FKBP9: variants seen among roughly 807,000 people sequenced by gnomAD.
The protein encoded by FKBP9 is peptidyl-prolyl cis-trans isomerase FKBP9.
FKBP9 carries 27 observed loss-of-function variants against 55.6 expected under a neutral mutation model. The ratio of observed to expected loss-of-function variants is 0.49; its 90% CI spans 0.36 to 0.67. FKBP9 has a LOEUF of 0.67. Among genes scored for constraint, FKBP9 ranks in the 30% least tolerant of loss-of-function variants. The probability of loss-of-function intolerance (pLI) is 0.00; values close to 1 mark genes in which losing one functional copy is unlikely to be tolerated. For missense variants in FKBP9, 539 were observed against 742.8 expected, an observed-to-expected ratio of 0.73 and a Z score of 3.19; for synonymous variants, 267 against 296.5, an observed-to-expected ratio of 0.90 and a Z score of 1.02.
intron 6 of FKBP9, among the ~76,000 whole-genome samples, chr7:32,992,485 G>C (rs1203774866): frequency 1.3e-5 from 2 of 152,252 alleles, no homozygotes; most frequent in African/African-American, 4.8e-5. Context: ...GCATCCTCAT[G>C]GTGAGAACAG....
At chr7:32,966,157 C>T (rs542980961) in intron 1 of FKBP9, among the ~76,000 whole-genome samples, 1 of 125,768 alleles carries the variant, frequency 8.0e-6, no homozygotes, top group Admixed American at 8.5e-5. Context: ...CGTGCCACTG[C>T]ACTCCAGCCT....
chr7:32,974,863 T>G (rs1238734480), intron 2 of FKBP9, 101 bp downstream of exon 2: 36 of 1,163,520 alleles, frequency 3.1e-5, no homozygotes, highest in Non-Finnish European at 4.4e-5. Context: ...AAGCTTTAGA[T>G]TGGGGGAAAA....
At position 33,000,231 on chromosome 7, in the gene FKBP9, C is replaced by G. The variant is rs1359320430; in HGVS notation, c.1343C>G (p.Pro448Arg). The G allele has an allele frequency of 6.2e-6, 10 of 1,612,708 alleles. No individual in the cohort carries two copies. The highest frequency in any genetic ancestry group is 7.6e-6 in the Non-Finnish European group (9 of 1,179,164). The change falls in exon 8 of 10, where the codon CCT (proline) becomes CGT (arginine). Residue 448 changes from proline to arginine, a missense_variant. By Grantham distance (103) the Pro-to-Arg change is moderately radical. Coordinates refer to ENST00000242209, the MANE Select transcript of FKBP9 (RefSeq NM_007270.5). The part of the protein sequence containing the change: ...VGEKRTVIIP[P>R]HLGYGEAGVD... ...GAGAAACGGACAGTGATCATTCCGC[C>G]TCACCTGGGCTATGGGGAAGCTGGC...
intron 4 of FKBP9, among the ~76,000 whole-genome samples, chr7:32,978,577 G>T (rs145974992): frequency 0.045 from 6,838 of 151,794 alleles, 364 homozygotes; most frequent in East Asian, 0.19. Flanking sequence ...AGGCTTACCT[G>T]GAAATCCTGG....
chr7:32,969,578 T>C (rs906885446), intron 1 of FKBP9, among the ~76,000 whole-genome samples: 4 of 152,156 alleles, frequency 2.6e-5, no homozygotes, highest in African/African-American at 7.2e-5. Flanking sequence ...TATTGGTCTA[T>C]GTGTCTGTAT....
intron 1 of FKBP9, among the ~76,000 whole-genome samples, chr7:32,961,586 C>G (rs1784025678): frequency 6.6e-6 from 1 of 152,142 alleles, no homozygotes; most frequent in Non-Finnish European, 1.5e-5. Flanking sequence ...ACCCCTGAGC[C>G]ATGGACCTGT....
At chr7:32,994,208 A>T (rs188340406) in intron 6 of FKBP9, among the ~76,000 whole-genome samples, 49 of 152,232 alleles carry the variant, frequency 3.2e-4, no homozygotes, top group Non-Finnish European at 6.8e-4. Flanking sequence ...CCAAAAAGTA[A>T]CCCATAACCA....
rs1784335629 is a variant in FKBP9, at chr7:32,975,278, A to G, written c.464A>G (p.Lys155Arg). 6.2e-7 allele frequency: 1 copy of G among 1,613,928 alleles called. No individual in the cohort carries two copies. ...CAGGTTCAGATTCACACCTATTTCAAGCCCCCGAGTTGCCCTCGGACCATC... is the reference window on the plus strand; with the variant it reads ...CAGGTTCAGATTCACACCTATTTCAGGCCCCCGAGTTGCCCTCGGACCATC... ...EDQVQIHTYF[K>R]PPSCPRTIQV... The change falls in exon 3 of 10, where the codon AAG becomes AGG. Residue 155 changes from lysine to arginine, a missense_variant. Around this residue, in one of 4 missense-constraint regions of FKBP9, gnomAD observed 236 missense variants for 271.5 expected, o/e 0.87. Transcript: ENST00000242209.
rs534810223 is a variant in FKBP9 at position 32,958,834 on chromosome 7, CTT to C, written c.221+1041_221+1042del. On this transcript the variant is annotated intron_variant, in intron 1 of 9. Transcript: ENST00000242209. ...TTAGGTTCGGGGTTAACAGGCCTCTCTTCGTCCAGCACCAGGCTACTCCTCGC... is the reference window on the plus strand; with the variant it reads ...TTAGGTTCGGGGTTAACAGGCCTCTCCGTCCAGCACCAGGCTACTCCTCGC... 1.8e-4 allele frequency among the ~76,000 whole-genome samples: 28 copies of C among 152,288 alleles called. No individual in the cohort carries two copies. In the South Asian group the frequency reaches 5.2e-3, roughly 28 times the overall value.
chr7:32,974,568 G>A (rs747220601), intron 1 of FKBP9, 49 bp from the exon 2 acceptor site: 18 of 1,545,464 alleles, frequency 1.2e-5, no homozygotes, highest in Non-Finnish European at 1.6e-5. Context: ...TACTGAGGAA[G>A]GGACTATTTA....
chr7:32,986,710 T>C (rs1319052095), intron 5 of FKBP9, among the ~76,000 whole-genome samples: 1 of 152,204 alleles, frequency 6.6e-6, no homozygotes, highest in Non-Finnish European at 1.5e-5. Flanking sequence ...TTGAGGGGTA[T>C]TGAGAAGGGA....
intron 1 of FKBP9, among the ~76,000 whole-genome samples, chr7:32,967,669 G>A (rs930140529): frequency 6.6e-6 from 1 of 152,160 alleles, no homozygotes; most frequent in African/African-American, 2.4e-5. Flanking sequence ...TTTGGCTATT[G>A]TAAATCGTGC....
chr7:32,980,710 C>T (rs1776118945), intron 5 of FKBP9, among the ~76,000 whole-genome samples, 157 bp downstream of exon 5: 1 of 151,936 alleles, frequency 6.6e-6, no homozygotes, highest in South Asian at 2.1e-4. Flanking sequence ...TAGTTCTTTC[C>T]TCCCTTCCTT....
intron 1 of FKBP9, among the ~76,000 whole-genome samples, chr7:32,971,940 G>A (rs931832028): frequency 5.3e-5 from 8 of 152,214 alleles, no homozygotes; most frequent in African/African-American, 1.7e-4. Context: ...TAGATACTCT[G>A]TAAACAGTAG....
chr7:32,991,609 A>G (rs1479374781), intron 6 of FKBP9, among the ~76,000 whole-genome samples: 8 of 151,630 alleles, frequency 5.3e-5, no homozygotes, highest in Non-Finnish European at 1.0e-4. Flanking sequence ...CTCAGCCTCT[A>G]TCAGCATTTC....
At chr7:32,989,706 G>A (rs1329246647) in intron 6 of FKBP9, among the ~76,000 whole-genome samples, 4 of 152,050 alleles carry the variant, frequency 2.6e-5, no homozygotes, top group Admixed American at 6.6e-5. Flanking sequence ...AGATGTGAGC[G>A]CCATGCCATG....
chr7:33,005,161 C>T lies in FKBP9; in HGVS notation c.1537-14C>T. On this transcript the variant is annotated splice_polypyrimidine_tract_variant and intron_variant, in intron 9 of 9. Transcript: ENST00000242209. ...GGCTGAACTCATGGTCTTTCCTGTC[C>T]CCTTCTTTTCCAGTTCTCAGAGTAC... 2 of 1,611,790 alleles carry T rather than the reference C, an allele frequency of 1.2e-6. No individual in the cohort carries two copies. The highest frequency in any genetic ancestry group is 1.7e-6 in the Non-Finnish European group (2 of 1,178,362).
At chr7:32,969,468 G>A (rs866524338) in intron 1 of FKBP9, among the ~76,000 whole-genome samples, 5 of 152,186 alleles carry the variant, frequency 3.3e-5, no homozygotes, top group East Asian at 3.9e-4. Flanking sequence ...TCCCAGCACC[G>A]TTTATTGAAG....
Position 32,990,234 on chromosome 7 carries a change from T to C in FKBP9, c.1039+1582T>C, listed in dbSNP as rs1784653862. 2.6e-5 allele frequency among the ~76,000 whole-genome samples: 4 copies of C among 152,126 alleles called. No individual in the cohort carries two copies. In the South Asian group the frequency reaches 8.3e-4, roughly 31 times the overall value. On this transcript the variant is annotated intron_variant, in intron 6 of 9. Transcript: ENST00000242209. ...GGTGGCCTCAAAATACTTGCAACAG[T>C]CTTTGTAAAAGGGAGGCAGGGGGTC...
Sources: gnomAD v4.1 joint callset for allele counts (sites outside exome capture counted in the v4.1 genomes callset) on GRCh38, gnomAD v4.1.1 for gene constraint, gnomAD v4.1.1 regional missense constraint, MANE v1.5 for transcripts, NCBI Gene and HGNC (gene_info 2026-07-23, HGNC 2026-07-21) for gene names.